Variants in MTUS2 observed in about 807,000 individuals in gnomAD.
The protein encoded by MTUS2 is microtubule associated scaffold protein 2.
A neutral mutation model predicts 114.1 loss-of-function variants in MTUS2; 40 were observed. The observed-to-expected ratio is 0.35, with a 90% confidence interval of 0.27 to 0.46. The LOEUF (loss-of-function observed/expected upper bound fraction) is 0.46, where lower values mean the gene tolerates loss of function less well. Ranked by LOEUF, MTUS2 falls within the 20% of genes least tolerant of loss-of-function variation. MTUS2 has a pLI of 1.00. For synonymous variants in MTUS2, 688 were observed against 672.0 expected (o/e 1.02, Z -0.37); for missense variants, 1,679 against 1,705.4 (o/e 0.98, Z 0.27).
chr13:29,366,528 G>T (rs1158720750), intron 8 of MTUS2, among the ~76,000 whole-genome samples: 4 of 152,190 alleles, frequency 2.6e-5, no homozygotes, highest in African/African-American at 9.7e-5. Flanking sequence ...GGTAGAGCAT[G>T]ACACTTAAGC....
chr13:29,088,909 C>T (rs117280208), intron 4 of MTUS2, among the ~76,000 whole-genome samples: 2,237 of 152,234 alleles, frequency 0.015, 35 homozygotes, highest in Non-Finnish European at 0.025. Context: ...GCTTATCTAT[C>T]CAATTTGCCA....
At chr13:29,130,338 C>A (rs538217847) in intron 5 of MTUS2, among the ~76,000 whole-genome samples, 2 of 152,262 alleles carry the variant, frequency 1.3e-5, no homozygotes, top group South Asian at 2.1e-4. Context: ...TTTGCTTCCC[C>A]TCCTCACTCT....
chr13:28,848,993 A>G (rs979231457), intron 2 of MTUS2, among the ~76,000 whole-genome samples: 8 of 152,184 alleles, frequency 5.3e-5, no homozygotes, highest in Non-Finnish European at 8.8e-5. Context: ...AATAGCCTAT[A>G]TTGCTGCATG....
At chr13:29,150,725 T>G (rs1301153444) in intron 5 of MTUS2, among the ~76,000 whole-genome samples, 2 of 152,134 alleles carry the variant, frequency 1.3e-5, no homozygotes, top group Admixed American at 1.3e-4. Context: ...TATACTGATA[T>G]GTAGTGGTCC....
chr13:29,422,648 CTTTTTTTTTTTT>C (rs11342823), intron 8 of MTUS2, among the ~76,000 whole-genome samples: 10 of 67,966 alleles, frequency 1.5e-4, no homozygotes, highest in African/African-American at 2.3e-4. Flanking sequence ...GATTTCTTTT[CTTTTTTTTTTTT>C]TTTTTTTTTT....
intron 8 of MTUS2, among the ~76,000 whole-genome samples, chr13:29,385,736 C>T (rs143009336): frequency 1.2e-4 from 18 of 152,244 alleles, no homozygotes; most frequent in Admixed American, 5.9e-4. Flanking sequence ...TAGAACCACC[C>T]GCACCCAGAA....
chr13:29,482,523 T>G (rs1295814937), intron 10 of MTUS2: 1 of 152,260 alleles, frequency 6.6e-6, no homozygotes, highest in Non-Finnish European at 1.5e-5. Context: ...AGCCATTTAT[T>G]TATTTACTCA....
intron 5 of MTUS2, among the ~76,000 whole-genome samples, chr13:29,126,854 T>C (rs1053875455): frequency 5.9e-5 from 9 of 152,130 alleles, no homozygotes; most frequent in Non-Finnish European, 1.3e-4. Context: ...TGTACACCAG[T>C]TTTCTCATCA....
At chr13:29,441,154 C>G (rs1047292630) in intron 9 of MTUS2, among the ~76,000 whole-genome samples, 16 of 152,058 alleles carry the variant, frequency 1.1e-4, no homozygotes, top group African/African-American at 3.6e-4. Flanking sequence ...GCAGCAGGAC[C>G]CTGCTACTGC....
At position 29,048,171 on chromosome 13, in the gene MTUS2, T is replaced by C. The variant is rs1443316583; in HGVS notation, c.2446+14046T>C. Reference sequence around the variant, plus strand: ...TAATCTACTCTTCATCCTTTCAGTGTATTTTTCATCTCAAACATTGACATT... The same window carrying C: ...TAATCTACTCTTCATCCTTTCAGTGCATTTTTCATCTCAAACATTGACATT... On this transcript the variant is annotated intron_variant, in intron 4 of 15. Coordinates refer to ENST00000612955, the MANE Select transcript of MTUS2 (RefSeq NM_001033602.4). Among the ~76,000 whole-genome samples, 3 of 152,248 alleles carry C rather than the reference T, an allele frequency of 2.0e-5. No individual in the cohort carries two copies. The East Asian group carries it at 5.8e-4, about 29-fold the overall frequency.
intron 4 of MTUS2, among the ~76,000 whole-genome samples, chr13:29,059,270 C>CTTTGGGTG (rs1888297907): frequency 7.3e-6 from 1 of 136,494 alleles, no homozygotes; most frequent in Non-Finnish European, 1.5e-5. Context: ...TCTTCGATGC[C>CTTTGGGTG]TTTGGGTGTT....
chr13:29,319,745 G>T (rs1410926255), intron 6 of MTUS2, among the ~76,000 whole-genome samples: 2 of 152,140 alleles, frequency 1.3e-5, no homozygotes, highest in African/African-American at 4.8e-5. Flanking sequence ...GAGCTGTCAG[G>T]CCTAGTACGA....
chr13:29,383,250 G>GTATA (rs763660299), intron 8 of MTUS2, among the ~76,000 whole-genome samples: 1 of 64,390 alleles, frequency 1.6e-5, no homozygotes, highest in African/African-American at 3.5e-5. Context: ...GTGTGTGTGT[G>GTATA]TGTATTTATT....
In MTUS2 at chr13:29,382,453, A is replaced by T. The variant is rs144847761; in HGVS notation, c.3117+22980A>T. Among the ~76,000 whole-genome samples the T allele has an allele frequency of 3.0e-4, 46 of 152,148 alleles. No homozygotes were observed. In the East Asian group the frequency reaches 8.5e-3, roughly 28 times the overall value. On this transcript the variant is annotated intron_variant, in intron 8 of 15. Coordinates refer to ENST00000612955, the MANE Select transcript of MTUS2 (RefSeq NM_001033602.4). ...ATAATTGGGAGGTAAGTTGCCTAGG[A>T]TTGGTGGTATGTTGGAGTAAGTAGG...
chr13:29,223,209 C>A (rs1268738139), intron 5 of MTUS2, among the ~76,000 whole-genome samples: 2 of 152,142 alleles, frequency 1.3e-5, no homozygotes, highest in East Asian at 3.9e-4. Flanking sequence ...ACGGTGCTTT[C>A]TTTGGGCCTG....
chr13:29,378,563 G>A (rs978349105), intron 8 of MTUS2, among the ~76,000 whole-genome samples: 3 of 152,014 alleles, frequency 2.0e-5, no homozygotes, highest in Admixed American at 6.5e-5. Context: ...CCCAGAGCTC[G>A]GCAAAAACTC....
chr13:28,831,105 A>G (rs1448680351), intron 1 of MTUS2, among the ~76,000 whole-genome samples: 1 of 152,186 alleles, frequency 6.6e-6, no homozygotes, highest in Non-Finnish European at 1.5e-5. Context: ...AAAGGTAATT[A>G]TATAGGTAAA....
intron 8 of MTUS2, among the ~76,000 whole-genome samples, chr13:29,395,600 A>G (rs1226743920): frequency 1.3e-5 from 2 of 152,164 alleles, no homozygotes; most frequent in African/African-American, 4.8e-5. Context: ...TATTAAGCAA[A>G]TCTGCTGCAC....
At chr13:29,404,462 G>A (rs952881833) in intron 8 of MTUS2, among the ~76,000 whole-genome samples, 5 of 152,134 alleles carry the variant, frequency 3.3e-5, no homozygotes, top group Non-Finnish European at 7.3e-5. Context: ...CAGCCTCACA[G>A]GGTCAATAAG....
Sources: gnomAD v4.1 joint callset for allele counts (sites outside exome capture counted in the v4.1 genomes callset) on GRCh38, gnomAD v4.1.1 for gene constraint, MANE v1.5 for transcripts, NCBI Gene and HGNC (gene_info 2026-07-23, HGNC 2026-07-21) for gene names.